The following ARHGAP44 variants were observed in gnomAD, a reference collection of about 807,000 sequenced individuals.
The protein encoded by ARHGAP44 is rho GTPase-activating protein 44.
ARHGAP44 carries 43 observed loss-of-function variants against 106.8 expected under a neutral mutation model. That is an observed-to-expected ratio of 0.40 (90% CI 0.32 to 0.52). The LOEUF is 0.52. Among genes scored for constraint, ARHGAP44 ranks in the 20% least tolerant of loss-of-function variants. The pLI, the probability that ARHGAP44 is intolerant of heterozygous loss-of-function variation, is 0.48. For missense variants in ARHGAP44, 866 were observed against 1,050.5 expected, an observed-to-expected ratio of 0.82 and a Z score of 2.43; for synonymous variants, 439 against 410.3, an observed-to-expected ratio of 1.07 and a Z score of -0.85.
chr17:12,915,372 G>A (rs1410342967), intron 4 of ARHGAP44, among the ~76,000 whole-genome samples: 1 of 152,156 alleles, frequency 6.6e-6, no homozygotes, highest in Non-Finnish European at 1.5e-5. Context: ...GTGTCATCTG[G>A]GAAGATGGCA....
At chr17:12,951,198 C>T (rs1332485300) in intron 12 of ARHGAP44, among the ~76,000 whole-genome samples, 6 of 152,120 alleles carry the variant, frequency 3.9e-5, no homozygotes, top group African/African-American at 1.2e-4. Flanking sequence ...AGAGACTTGA[C>T]ATTGTTTTAA....
At chr17:12,946,918 G>A (rs535460388) in intron 10 of ARHGAP44, among the ~76,000 whole-genome samples, 3 of 152,152 alleles carry the variant, frequency 2.0e-5, no homozygotes, top group East Asian at 3.9e-4. Context: ...CCCAGCTCCC[G>A]TCTCTGCCCT....
intron 1 of ARHGAP44, among the ~76,000 whole-genome samples, chr17:12,824,325 C>G (rs1567632965): frequency 6.6e-6 from 1 of 152,060 alleles, no homozygotes; most frequent in Non-Finnish European, 1.5e-5. Flanking sequence ...TTGAAAAGAT[C>G]ACTCTTCCTG....
At chr17:12,832,743 T>C (rs2035125201) in intron 1 of ARHGAP44, among the ~76,000 whole-genome samples, 1 of 152,242 alleles carries the variant, frequency 6.6e-6, no homozygotes, top group Non-Finnish European at 1.5e-5. Context: ...TTCTCTATTA[T>C]AATTTTTGCA....
intron 20 of ARHGAP44, chr17:12,986,983 T>C: frequency 1.1e-6 from 1 of 923,058 alleles, no homozygotes; most frequent in Non-Finnish European, 1.6e-6. Context: ...TCCATCATGG[T>C]TTGATGTGGC....
chr17:12,817,970 CAGA>C (rs1302171994), intron 1 of ARHGAP44, among the ~76,000 whole-genome samples: 3 of 151,890 alleles, frequency 2.0e-5, no homozygotes, highest in South Asian at 4.1e-4. Flanking sequence ...TTTCAGAAAA[CAGA>C]AGGAGAGAGA....
intron 1 of ARHGAP44, among the ~76,000 whole-genome samples, chr17:12,817,955 G>C (rs939504053): frequency 2.0e-5 from 3 of 151,948 alleles, no homozygotes; most frequent in Non-Finnish European, 4.4e-5. Context: ...GAATAACACA[G>C]TCTCTTTCAG....
Position 12,842,169 on chromosome 17 carries a change from C to T in ARHGAP44, c.53+52278C>T, listed in dbSNP as rs1005009842. On this transcript the variant is annotated intron_variant, in intron 1 of 20. Coordinates refer to ENST00000379672, the MANE Select transcript of ARHGAP44 (RefSeq NM_014859.6). ...GGTTTAAAAAAAAAAAAAAGTCTTT[C>T]CAGGGCTGAGACAGGAGGATCACTT... 2.7e-5 allele frequency among the ~76,000 whole-genome samples: 4 copies of T among 150,726 alleles called. No homozygotes were observed. In the East Asian group the frequency reaches 7.8e-4, roughly 30 times the overall value.
intron 20 of ARHGAP44, chr17:12,987,021 C>CTTTTTTT (rs3076704): frequency 4.3e-6 from 4 of 926,298 alleles, no homozygotes; most frequent in African/African-American, 3.7e-5. Context: ...ATTGGCATAG[C>CTTTTTTT]TTTTTTTTTT....
At chr17:12,980,406 C>T (rs1178984904) in intron 19 of ARHGAP44, among the ~76,000 whole-genome samples, 173 bp downstream of exon 19, 1 of 152,188 alleles carries the variant, frequency 6.6e-6, no homozygotes, top group African/African-American at 2.4e-5. Context: ...CTCTATTATT[C>T]CTCAGTTTAC....
intron 1 of ARHGAP44, chr17:12,790,101 C>T (rs79117617): frequency 0.012 from 5,793 of 501,788 alleles, 281 homozygotes; most frequent in African/African-American, 0.1. Flanking sequence ...CCTTCTGCTC[C>T]GGGCTCCGGT....
intron 4 of ARHGAP44, among the ~76,000 whole-genome samples, chr17:12,912,827 A>G (rs771903871): frequency 6.6e-6 from 1 of 152,218 alleles, no homozygotes; most frequent in Non-Finnish European, 1.5e-5. Context: ...GTTTCAATCA[A>G]CGAGAGGGCA....
At chr17:12,928,826 A>G in intron 6 of ARHGAP44, 103 bp from the exon 7 acceptor site, 1 of 992,082 alleles carries the variant, frequency 1.0e-6, no homozygotes, top group Non-Finnish European at 1.5e-6. Context: ...GAGGGTATGT[A>G]GTTCCCTGGG....
At chr17:12,925,818 T>C (rs965763873) in intron 6 of ARHGAP44, among the ~76,000 whole-genome samples, 2 of 152,170 alleles carry the variant, frequency 1.3e-5, no homozygotes, top group Non-Finnish European at 2.9e-5. Context: ...AACTCTTGAG[T>C]TTATGTGTAG....
chr17:12,920,123 C>T (rs2150955572), intron 6 of ARHGAP44, among the ~76,000 whole-genome samples: 1 of 151,930 alleles, frequency 6.6e-6, no homozygotes, highest in South Asian at 2.1e-4. Context: ...ACACCTGTAA[C>T]CCAGCACTTT....
In ARHGAP44 at chr17:12,990,468, T is replaced by C; in HGVS notation, c.*297T>C. 2 of 339,486 alleles carry C rather than the reference T, an allele frequency of 5.9e-6. No homozygotes were observed. Among genetic ancestry groups the C allele is most frequent in the Non-Finnish European group, 1.2e-5 (2 of 173,630 alleles). 21.0% of individuals were successfully genotyped at this position (339,486 alleles called of 1,614,324 possible). A position where few individuals can be genotyped will look rare whatever the true frequency, so the allele number is the denominator to read the frequency against. On this transcript the variant is annotated 3_prime_UTR_variant, in exon 21 of 21. Transcript: ENST00000379672. Reference sequence around the variant, plus strand: ...CTCCATGCCAGAAAACACCCACCTCTCCATCCAAGGCTGGTCAGGAACGTC... The same window carrying C: ...CTCCATGCCAGAAAACACCCACCTCCCCATCCAAGGCTGGTCAGGAACGTC...
intron 13 of ARHGAP44, among the ~76,000 whole-genome samples, chr17:12,953,288 G>A (rs900534544): frequency 2.0e-5 from 3 of 152,094 alleles, no homozygotes; most frequent in East Asian, 1.9e-4. Flanking sequence ...CCTTCTCCAC[G>A]CCTGGCTCCT....
At chr17:12,826,196 C>T (rs1161986352) in intron 1 of ARHGAP44, among the ~76,000 whole-genome samples, 7 of 152,228 alleles carry the variant, frequency 4.6e-5, no homozygotes, top group East Asian at 3.9e-4. Context: ...GCCCAGTACT[C>T]GTTAGGTATT....
At chr17:12,932,717 T>A (rs543547909) in intron 7 of ARHGAP44, among the ~76,000 whole-genome samples, 6 of 151,972 alleles carry the variant, frequency 3.9e-5, no homozygotes, top group Non-Finnish European at 8.8e-5. Flanking sequence ...TTTCTTTTTT[T>A]TTTTTCCAGA....
Sources: gnomAD v4.1 joint callset for allele counts (sites outside exome capture counted in the v4.1 genomes callset) on GRCh38, gnomAD v4.1.1 for gene constraint, MANE v1.5 for transcripts, NCBI Gene and HGNC (gene_info 2026-07-23, HGNC 2026-07-21) for gene names.